The following BET1 variants were observed in gnomAD, a reference collection of about 807,000 sequenced individuals.
The protein encoded by BET1 is BET1 homolog.
BET1 carries 9 observed loss-of-function variants against 13.9 expected under a neutral mutation model. The ratio of observed to expected loss-of-function variants is 0.65; its 90% CI spans 0.39 to 1.13. BET1 has a LOEUF of 1.13. Among genes scored for constraint, BET1 ranks in the 50% most tolerant of loss-of-function variants. BET1 has a pLI of 0.01. For synonymous variants in BET1, 39 were observed against 47.3 expected (o/e 0.82, Z 0.72); for missense variants, 127 against 133.6 (o/e 0.95, Z 0.24).
At chr7:93,983,820 A>C (rs912550044) in intron 4 of BET1, among the ~76,000 whole-genome samples, 2 of 152,198 alleles carry the variant, frequency 1.3e-5, no homozygotes, top group African/African-American at 4.8e-5. Flanking sequence ...GAATATCCAC[A>C]GAGCTTGACT....
At chr7:93,977,384 CT>C (rs1225343512) in intron 4 of BET1, among the ~76,000 whole-genome samples, 3 of 152,026 alleles carry the variant, frequency 2.0e-5, no homozygotes, top group Non-Finnish European at 2.9e-5. Context: ...CCTTCATTGG[CT>C]TTGTTACAGA....
downstream of BET1, among the ~76,000 whole-genome samples, chr7:93,989,193 T>C (rs899499243): frequency 6.6e-6 from 1 of 151,750 alleles, no homozygotes; most frequent in Admixed American, 6.6e-5. Flanking sequence ...TTTGTATTTT[T>C]AGTAGACACG....
chr7:93,987,952 C>T (rs1267702874), intron 4 of BET1, among the ~76,000 whole-genome samples: 1 of 152,014 alleles, frequency 6.6e-6, no homozygotes, highest in African/African-American at 2.4e-5. Context: ...TTTTTGGTCC[C>T]CAATTAATCT....
intron 4 of BET1, among the ~76,000 whole-genome samples, chr7:93,976,666 CTTA>C (rs921239318): frequency 5.9e-5 from 9 of 151,862 alleles, no homozygotes; most frequent in African/African-American, 9.7e-5. Context: ...TAAAAGAGTA[CTTA>C]TTATTATTTT....
At chr7:93,981,212 C>T (rs888200833) in intron 4 of BET1, among the ~76,000 whole-genome samples, 4 of 152,178 alleles carry the variant, frequency 2.6e-5, no homozygotes, top group African/African-American at 9.7e-5. Flanking sequence ...ACCAACTCTT[C>T]CTGGTCTGCC....
chr7:93,986,076 G>C (rs1377856842), intron 4 of BET1, among the ~76,000 whole-genome samples: 1 of 152,162 alleles, frequency 6.6e-6, no homozygotes, highest in Admixed American at 6.6e-5. Flanking sequence ...GAAATAATGA[G>C]AGTTGATGGT....
intron 2 of BET1, among the ~76,000 whole-genome samples, chr7:93,998,044 A>C (rs1795810199): frequency 6.6e-6 from 1 of 152,158 alleles, no homozygotes; most frequent in South Asian, 2.1e-4. Flanking sequence ...AGTTGATCTA[A>C]GAAGGAAGTG....
chr7:93,994,497 G>A (rs1213646176), intron 3 of BET1, 112 bp from the exon 4 acceptor site: 1 of 1,197,550 alleles, frequency 8.4e-7, no homozygotes, highest in East Asian at 2.6e-5. Context: ...TGACAGTTTT[G>A]TGTTTAATCA....
intron 6 of BET1, among the ~76,000 whole-genome samples, chr7:93,967,780 A>G (rs1291023954): frequency 4.0e-5 from 6 of 151,888 alleles, no homozygotes; most frequent in Non-Finnish European, 4.4e-5. Context: ...TATTATATAA[A>G]CCATCAGAAT....
In BET1 at chr7:93,993,850, A is replaced by G. The variant is rs2116112202; in HGVS notation, c.*380T>C. The stretch of plus-strand genomic sequence containing the variant: ...CTGGCTGACTACTTCAAGAGCTCAG[A>G]GTCAGGCTCTCCAGGCATTCTGTTA... On this transcript the variant is annotated 3_prime_UTR_variant, in exon 4 of 4. Coordinates refer to ENST00000222547, the MANE Select transcript of BET1 (RefSeq NM_005868.6). 2.0e-6 allele frequency: 3 copies of G among 1,535,158 alleles called. No homozygotes were observed. Among genetic ancestry groups the G allele is most frequent in the Non-Finnish European group, 2.6e-6 (3 of 1,146,566 alleles).
At position 93,994,047 on chromosome 7, in the gene BET1, A is replaced by C. The variant is rs1795701115; in HGVS notation, c.*183T>G. 1.4e-6 allele frequency: 2 copies of C among 1,465,968 alleles called. No homozygotes were observed. Among genetic ancestry groups the C allele is most frequent in the Non-Finnish European group, 1.8e-6 (2 of 1,117,878 alleles). The allele number at this position is 1,465,968 out of a possible 1,614,324, so 90.8% of individuals were successfully genotyped here. A position where few individuals can be genotyped will look rare whatever the true frequency, so the allele number is the denominator to read the frequency against. On this transcript the variant is annotated 3_prime_UTR_variant, in exon 4 of 4. Transcript: ENST00000222547. The stretch of plus-strand genomic sequence containing the variant: ...AAATAGGGGCTAAAATGAGTCATTA[A>C]GAAACAGTATTCAAAGACCACTGTA...
intron 3 of BET1, 184 bp downstream of exon 3, chr7:93,996,081 A>G: frequency 5.4e-6 from 3 of 556,512 alleles, no homozygotes; most frequent in Non-Finnish European, 9.4e-6. Flanking sequence ...TACATGCGTA[A>G]GACGAGATGA....
In BET1 at chr7:93,982,594, C is replaced by G. The variant is rs182443034; in HGVS notation, c.236-6494G>C. ...GGGAATTTATTCTCCACCTGGAATTCTCCGTGTCTTTGTGCCCATCAAATG... is the reference window on the plus strand; with the variant it reads ...GGGAATTTATTCTCCACCTGGAATTGTCCGTGTCTTTGTGCCCATCAAATG... On this transcript the variant is annotated intron_variant and NMD_transcript_variant, in intron 4 of 6. Coordinates refer to the BET1 transcript ENST00000357520. Among the ~76,000 whole-genome samples, 312 of 152,256 alleles carry G rather than the reference C, an allele frequency of 2.0e-3. 2 individuals are homozygous for G. The highest frequency in any genetic ancestry group is 6.8e-3 in the African/African-American group (281 of 41,540).
chr7:93,987,104 G>T (rs533932198), intron 4 of BET1: 8 of 152,046 alleles, frequency 5.3e-5, no homozygotes, highest in African/African-American at 1.7e-4. Flanking sequence ...AAAAAAAAAG[G>T]GTTTTTTTGT....
chr7:93,975,039 A>C (rs1410132498), intron 5 of BET1, among the ~76,000 whole-genome samples: 1 of 152,040 alleles, frequency 6.6e-6, no homozygotes, highest in Admixed American at 6.6e-5. Flanking sequence ...ATCAAATAGA[A>C]CCAAATTGAT....
At chr7:93,981,587 C>T (rs766434230) in intron 4 of BET1, among the ~76,000 whole-genome samples, 5 of 152,106 alleles carry the variant, frequency 3.3e-5, no homozygotes, top group Non-Finnish European at 7.4e-5. Context: ...TGTCCACAGC[C>T]TCAAAGGAAA....
At position 93,996,425 on chromosome 7, in the gene BET1, C is replaced by T. The variant is rs73715582; in HGVS notation, c.145-104G>A. ...AGCATACACATTTTCTGAAATGAAA[C>T]GGTCTTCTAGACACATAAACTCTCT... is the stretch of plus-strand genomic sequence containing the variant. On this transcript the variant is annotated intron_variant, in intron 2 of 3. Transcript: ENST00000222547. 3.6e-3 allele frequency: 2,908 copies of T among 808,416 alleles called. 54 individuals carry two copies. In the African/African-American group the frequency reaches 0.046, roughly 13 times the overall value. 50.1% of individuals were successfully genotyped at this position (808,416 alleles called of 1,614,324 possible).
At chr7:93,980,628 G>C (rs1323809644) in intron 4 of BET1, among the ~76,000 whole-genome samples, 1 of 152,062 alleles carries the variant, frequency 6.6e-6, no homozygotes, top group East Asian at 1.9e-4. Flanking sequence ...ACATAATAAA[G>C]GCCATACATG....
chr7:93,991,764 C>T (rs1447993932), downstream of BET1: 11 of 951,578 alleles, frequency 1.2e-5, no homozygotes, highest in Non-Finnish European at 1.3e-5. Context: ...AGCCACAATG[C>T]TACTCTGCTT....
Sources: gnomAD v4.1 joint callset for allele counts (sites outside exome capture counted in the v4.1 genomes callset) on GRCh38, gnomAD v4.1.1 for gene constraint, MANE v1.5 for transcripts, NCBI Gene and HGNC (gene_info 2026-07-23, HGNC 2026-07-21) for gene names.